Variants in ANXA11 observed in about 807,000 individuals in gnomAD.
ANXA11 encodes annexin A11.
A neutral mutation model predicts 64.7 loss-of-function variants in ANXA11; 57 were observed. The ratio of observed to expected loss-of-function variants is 0.88; its 90% CI spans 0.71 to 1.10. ANXA11 has a LOEUF of 1.10. ANXA11 is among the 50% of genes least tolerant of loss of function. ANXA11 has a pLI of 0.00. For missense variants in ANXA11, 675 were observed against 670.7 expected (o/e 1.01, Z -0.07); for synonymous variants, 260 against 265.2 (o/e 0.98, Z 0.19).
At chr10:80,203,652 C>T (rs1029022492) in intron 1 of ANXA11, among the ~76,000 whole-genome samples, 1 of 152,134 alleles carries the variant, frequency 6.6e-6, no homozygotes, top group East Asian at 1.9e-4. Flanking sequence ...TAAGCCACAC[C>T]GCCACACAAA....
Position 80,163,364 on chromosome 10 carries a change from G to A in ANXA11, c.1071C>T (p.Ala357=). The change falls in exon 11 of 16, where the codon GCC becomes GCT. Residue 357 remains alanine, a synonymous_variant. Coordinates refer to ENST00000422982, the MANE Select transcript of ANXA11 (RefSeq NM_145868.2). ...TCACACTCACCTGGGCATCTCTCTG[G>A]GCGAGTGACATGTCCACGTTTGTGC... ...DESTNVDMSL[A]QRDAQELYAA... 1 of 1,613,494 alleles carries A rather than the reference G, an allele frequency of 6.2e-7. No individual in the cohort carries two copies. The highest frequency in any genetic ancestry group is 8.5e-7 in the Non-Finnish European group (1 of 1,180,048).
At chr10:80,163,082 C>T (rs940955876) in intron 11 of ANXA11, among the ~76,000 whole-genome samples, 1 of 152,110 alleles carries the variant, frequency 6.6e-6, no homozygotes, top group Non-Finnish European at 1.5e-5. Flanking sequence ...ACACAAAATC[C>T]CACGTCCAAA....
chr10:80,186,320 C>T (rs1009391841), intron 1 of ANXA11, among the ~76,000 whole-genome samples: 11 of 151,758 alleles, frequency 7.2e-5, no homozygotes, highest in East Asian at 3.9e-4. Context: ...GAGAGAAACA[C>T]GGAACTGGGG....
intron 1 of ANXA11, among the ~76,000 whole-genome samples, chr10:80,192,014 C>T (rs545281124): frequency 3.3e-5 from 5 of 152,166 alleles, no homozygotes; most frequent in Admixed American, 3.3e-4. Context: ...CTCATCGTCC[C>T]CAGGGCAGGG....
intron 1 of ANXA11, among the ~76,000 whole-genome samples, chr10:80,199,166 G>C (rs529477047): frequency 6.8e-6 from 1 of 147,632 alleles, no homozygotes; most frequent in African/African-American, 2.6e-5. Flanking sequence ...GCACGATCTC[G>C]GCTCCACTGC....
chr10:80,186,821 C>T (rs1846558487), intron 1 of ANXA11, among the ~76,000 whole-genome samples: 1 of 152,230 alleles, frequency 6.6e-6, no homozygotes, highest in African/African-American at 2.4e-5. Flanking sequence ...CAGATCTCTC[C>T]GTCACGCTCC....
At chr10:80,182,330 C>A (rs1272104340) in intron 1 of ANXA11, among the ~76,000 whole-genome samples, 1 of 151,998 alleles carries the variant, frequency 6.6e-6, no homozygotes, top group African/African-American at 2.4e-5. Context: ...TACAAGCACA[C>A]TGTAGGGAAA....
rs1233304950 is a variant in ANXA11 at position 80,151,423 on chromosome 10, C to A, written c.*4430G>T. ...CCCTTAGAAAAACACAGGCAGAGAG[C>A]TTTCAGATTTGATGGGGGTGAAAAT... is the stretch of plus-strand genomic sequence containing the variant. On this transcript the variant is annotated 3_prime_UTR_variant, in exon 16 of 16. Coordinates refer to ENST00000422982, the MANE Select transcript of ANXA11 (RefSeq NM_145868.2). The A allele has an allele frequency of 6.6e-6, 1 of 152,162 alleles. No homozygotes were observed. Among genetic ancestry groups the A allele is most frequent in the Non-Finnish European group, 1.5e-5 (1 of 68,054 alleles). The allele number at this position is 152,162 out of a possible 1,614,324, so 9.4% of individuals were successfully genotyped here.
intron 3 of ANXA11, chr10:80,171,792 G>A (rs1845987325): frequency 1.0e-6 from 1 of 985,546 alleles, no homozygotes; most frequent in Non-Finnish European, 1.2e-6. Context: ...CTCAGAGGCT[G>A]CTCAGCTGTG....
rs576352756 is a variant in ANXA11 at position 80,171,903 on chromosome 10, G to A, written c.55+904C>T. Reference sequence around the variant, plus strand: ...CAACCTGGGGTGGGCTCATTCAGAGGGCAGTGGCCCAGCTCAGCCCCTAAC... The same window carrying A: ...CAACCTGGGGTGGGCTCATTCAGAGAGCAGTGGCCCAGCTCAGCCCCTAAC... On this transcript the variant is annotated intron_variant, in intron 3 of 15. Coordinates refer to ENST00000422982, the MANE Select transcript of ANXA11 (RefSeq NM_145868.2). 1.3e-4 allele frequency: 129 copies of A among 985,536 alleles called. No individual in the cohort carries two copies. The African/African-American group carries it at 2.1e-3, about 16-fold the overall frequency. The allele number at this position is 985,536 out of a possible 1,614,324, so 61.0% of individuals were successfully genotyped here.
At chr10:80,175,178 C>T (rs1274755627) in intron 2 of ANXA11, among the ~76,000 whole-genome samples, 1 of 152,180 alleles carries the variant, frequency 6.6e-6, no homozygotes, top group African/African-American at 2.4e-5. Context: ...CGTCCCGGCC[C>T]CAGCCTGACC....
In ANXA11 at chr10:80,189,991, T is replaced by C. The variant is rs146891134; in HGVS notation, c.-57-13836A>G. On this transcript the variant is annotated intron_variant, in intron 1 of 15. Transcript: ENST00000422982. ...ATGTGGATAAATCTTCAACACATTA[T>C]GCTAAATGAAACAAGCCAGGCACAA... Among the ~76,000 whole-genome samples, 1,346 of 152,336 alleles carry C rather than the reference T, an allele frequency of 8.8e-3. 22 individuals carry two copies. The highest frequency in any genetic ancestry group is 0.031 in the African/African-American group (1,278 of 41,578).
At chr10:80,180,966 TGAAGCAGCAA>T (rs1846334562) in intron 1 of ANXA11, 1 of 152,236 alleles carries the variant, frequency 6.6e-6, no homozygotes, top group Non-Finnish European at 1.5e-5. Context: ...TGCCATGTTA[TGAAGCAGCAA>T]GAAGGCCCTT....
Position 80,163,381 on chromosome 10 carries a change from C to T in ANXA11, c.1054G>A (p.Val352Met), listed in dbSNP as rs755085098. The T allele has an allele frequency of 6.8e-6, 11 of 1,613,734 alleles. No individual in the cohort carries two copies. Among genetic ancestry groups the T allele is most frequent in the Middle Eastern group, 1.7e-4 (1 of 5,796 alleles). The stretch of plus-strand genomic sequence containing the variant: ...TCTCTCTGGGCGAGTGACATGTCCA[C>T]GTTTGTGCTTTCATCACGGTTTCCC... Reference protein sequence around the residue: ...SQGNRDESTNVDMSLAQRDAQ... With the variant: ...SQGNRDESTNMDMSLAQRDAQ... Residue 352 changes from valine (V) to methionine (M), a missense_variant, in exon 11 of 16, where the codon GTG becomes ATG. By Grantham distance (21) the Val-to-Met change is conservative. Coordinates refer to ENST00000422982, the MANE Select transcript of ANXA11 (RefSeq NM_145868.2).
In ANXA11 at chr10:80,166,953, C is replaced by A; in HGVS notation, c.681G>T (p.Leu227=). 6.2e-7 allele frequency: 1 copy of A among 1,607,726 alleles called. No homozygotes were observed. The highest frequency in any genetic ancestry group is 1.3e-5 in the African/African-American group (1 of 74,870). The change falls in exon 7 of 16, where the codon CTG becomes CTT. Residue 227 remains leucine, a synonymous_variant. Transcript: ENST00000422982. ...GCCGCTGCTTGTTGGAGCGACTCCCCAGGCAGTCAATGATGGCCTGCTCAT... is the reference window on the plus strand; with the variant it reads ...GCCGCTGCTTGTTGGAGCGACTCCCAAGGCAGTCAATGATGGCCTGCTCAT... The part of the protein sequence containing the change: ...GTDEQAIIDC[L]GSRSNKQRQQ...
In ANXA11 at chr10:80,154,404, A is replaced by AT. The variant is rs1845214409; in HGVS notation, c.*1448dup. On this transcript the variant is annotated 3_prime_UTR_variant, in exon 16 of 16. Coordinates refer to ENST00000422982, the MANE Select transcript of ANXA11 (RefSeq NM_145868.2). ...GCCGTGAGCCACCACGCCTGGCCAAATTTTTTAGTAGAGACAGGGGTCTCG... is the reference window on the plus strand; with the variant it reads ...GCCGTGAGCCACCACGCCTGGCCAAATTTTTTTAGTAGAGACAGGGGTCTCG... 1 of 152,062 alleles carries AT rather than the reference A, an allele frequency of 6.6e-6. No homozygotes were observed. The highest frequency in any genetic ancestry group is 2.4e-5 in the African/African-American group (1 of 41,382). The allele number at this position is 152,062 out of a possible 1,614,324, so 9.4% of individuals were successfully genotyped here.
intron 11 of ANXA11, among the ~76,000 whole-genome samples, chr10:80,162,707 T>C (rs1845562199): frequency 6.6e-6 from 1 of 152,220 alleles, no homozygotes. Context: ...TTTAGACCAC[T>C]GGCAGCTCCT....
At chr10:80,174,576 C>CTATTTTATTTTAAAAAATAAAAAA (rs2132432560) in intron 2 of ANXA11, among the ~76,000 whole-genome samples, 1 of 150,158 alleles carries the variant, frequency 6.7e-6, no homozygotes, top group African/African-American at 2.5e-5. Flanking sequence ...CATGCCTGGC[C>CTATTTTATTTTAAAAAATAAAAAA]TACTTTTATT....
intron 1 of ANXA11, among the ~76,000 whole-genome samples, chr10:80,188,494 T>TATAC (rs1846634848): frequency 1.1e-5 from 1 of 92,534 alleles, no homozygotes; most frequent in African/African-American, 4.5e-5. Flanking sequence ...TATATATATA[T>TATAC]ATATATATAT....
Sources: gnomAD v4.1 joint callset for allele counts (sites outside exome capture counted in the v4.1 genomes callset) on GRCh38, gnomAD v4.1.1 for gene constraint, MANE v1.5 for transcripts, NCBI Gene and HGNC (gene_info 2026-07-23, HGNC 2026-07-21) for gene names.